MYOM1: variants seen among roughly 807,000 people sequenced by gnomAD.
The protein encoded by MYOM1 is myomesin 1, also known as myomesin-1.
In MYOM1, 164 loss-of-function variants were observed where a neutral mutation model predicts 205.3. The ratio of observed to expected loss-of-function variants is 0.80; its 90% CI spans 0.70 to 0.91. MYOM1 has a LOEUF of 0.91. Ranked by LOEUF, MYOM1 falls within the 40% of genes least tolerant of loss-of-function variation. The pLI, the probability that MYOM1 is intolerant of heterozygous loss-of-function variation, is 0.00. For synonymous variants in MYOM1, 772 were observed against 789.4 expected (o/e 0.98, Z 0.37); for missense variants, 2,011 against 2,127.3 (o/e 0.95, Z 1.08).
At position 3,135,630 on chromosome 18, in the gene MYOM1, CAGT is replaced by C. The variant is rs761028638; in HGVS notation, c.2123_2125del (p.Tyr708del). 1.2e-5 allele frequency: 19 copies of C among 1,613,808 alleles called. No individual in the cohort carries two copies. The African/African-American group carries it at 2.3e-4, about 19-fold the overall frequency. The stretch of plus-strand genomic sequence containing the variant: ...AGAATTAGAACAGCGGACACGGAAA[CAGT>C]AGGATTTCCCCTCGGCCAAGTCAAA... On this transcript the variant is annotated inframe_deletion, in exon 15 of 38. Transcript: ENST00000356443. The surrounding 1 kb of genome is among the most constrained non-coding windows in gnomAD (Gnocchi z 4.1).
chr18:3,113,296 GTCTATATATATATATATATATATA>G (rs1417468868), intron 21 of MYOM1, among the ~76,000 whole-genome samples: 12 of 11,180 alleles, frequency 1.1e-3, no homozygotes, highest in African/African-American at 2.9e-3. Context: ...ATGTGTTTGT[GTCTATATATATATATATATATATA>G]TATATATATA....
Position 3,134,840 on chromosome 18 carries a change from A to G in MYOM1, c.2210-16T>C. 6.2e-7 allele frequency: 1 copy of G among 1,613,838 alleles called. No individual in the cohort carries two copies. Among genetic ancestry groups the G allele is most frequent in the Non-Finnish European group, 8.5e-7 (1 of 1,179,770 alleles). On this transcript the variant is annotated splice_polypyrimidine_tract_variant and intron_variant, in intron 15 of 37. Coordinates refer to ENST00000356443, the MANE Select transcript of MYOM1 (RefSeq NM_003803.4). ...TTGGGGATATCTGAGAAAGAGGAAA[A>G]TGGTGATCAAACTCAAGTGGTTTTA... is the stretch of plus-strand genomic sequence containing the variant.
rs370999797 is a variant in MYOM1 at position 3,214,916 on chromosome 18, G to A, written c.290+18C>T. 2.1e-4 allele frequency: 335 copies of A among 1,561,244 alleles called. No individual in the cohort carries two copies. In the African/African-American group the frequency reaches 4.1e-3, roughly 19 times the overall value. ...CTCTTCCTGAGGTTGGAAGGTTGGA[G>A]GAGGGCGTCCGACATACCCATGGGA... On this transcript the variant is annotated intron_variant, in intron 2 of 37. Coordinates refer to ENST00000356443, the MANE Select transcript of MYOM1 (RefSeq NM_003803.4).
At chr18:3,198,717 A>T (rs1435844107) in intron 2 of MYOM1, among the ~76,000 whole-genome samples, 1 of 150,852 alleles carries the variant, frequency 6.6e-6, no homozygotes, top group Admixed American at 6.6e-5. Context: ...CGGAAGAGGG[A>T]GGTTGCAGTG....
Position 3,084,044 on chromosome 18 carries a change from A to T in MYOM1, c.4340-17T>A. The T allele has an allele frequency of 6.4e-7, 1 of 1,570,686 alleles. No homozygotes were observed. The highest frequency in any genetic ancestry group is 8.7e-7 in the Non-Finnish European group (1 of 1,156,022). On this transcript the variant is annotated splice_polypyrimidine_tract_variant and intron_variant, in intron 31 of 37. Transcript: ENST00000356443. ...CCTTAAAGGCTGTGGAGAGAGATTC[A>T]GAGCCAAAACTTTAGCATAAAAATT...
At chr18:3,192,146 G>A (rs768102110) in intron 3 of MYOM1, among the ~76,000 whole-genome samples, 21 of 152,166 alleles carry the variant, frequency 1.4e-4, no homozygotes, top group Non-Finnish European at 2.5e-4. Context: ...GTCATGTCAC[G>A]TAGGCTGGTG....
In MYOM1 at chr18:3,090,671, A is replaced by G; in HGVS notation, c.3996T>C (p.Val1332=). ...DGKATNHSTV[V]LVGDVFKKLQ... ...CGGAATTCTTACCATCTCCAACGAG[A>G]ACAACAGTAGAATGGTTAGTTGCTT... The change falls in exon 27 of 38, where the codon GTT becomes GTC. Residue 1332 remains valine (V), a synonymous_variant. Coordinates refer to ENST00000356443, the MANE Select transcript of MYOM1 (RefSeq NM_003803.4). 6.2e-7 allele frequency: 1 copy of G among 1,613,980 alleles called. No individual in the cohort carries two copies. Among genetic ancestry groups the G allele is most frequent in the Non-Finnish European group, 8.5e-7 (1 of 1,179,876 alleles).
rs117400260 is a variant in MYOM1 at position 3,193,043 on chromosome 18, A to G, written c.431+775T>C. 8.8e-3 allele frequency among the ~76,000 whole-genome samples: 1,345 copies of G among 152,014 alleles called. 13 individuals carry two copies. The highest frequency in any genetic ancestry group is 0.014 in the East Asian group (71 of 5,154). The stretch of plus-strand genomic sequence containing the variant: ...CAGCACTTTGGGAGGCCAAGCAGGG[A>G]AGATCACTTGAGCCCAGGAGTTCAA... On this transcript the variant is annotated intron_variant, in intron 3 of 37. Coordinates refer to ENST00000356443, the MANE Select transcript of MYOM1 (RefSeq NM_003803.4).
rs927252858 is a variant in MYOM1 at position 3,117,887 on chromosome 18, A to G, written c.3119-1372T>C. Among the ~76,000 whole-genome samples the G allele has an allele frequency of 8.5e-5, 13 of 152,330 alleles. No homozygotes were observed. In the South Asian group the frequency reaches 1.0e-3, roughly 12 times the overall value. On this transcript the variant is annotated intron_variant, in intron 20 of 37. Coordinates refer to ENST00000356443, the MANE Select transcript of MYOM1 (RefSeq NM_003803.4). The stretch of plus-strand genomic sequence containing the variant: ...ATGTTTTGTATAAAGCTATATTTAA[A>G]TATTAATACCAAATACCTCACACGA...
At chr18:3,180,306 C>G (rs934480351) in intron 5 of MYOM1, among the ~76,000 whole-genome samples, 1 of 152,166 alleles carries the variant, frequency 6.6e-6, no homozygotes, top group Admixed American at 6.5e-5. Flanking sequence ...TACACACACA[C>G]CACACATCAC....
chr18:3,214,630 C>T (rs1484203292), intron 2 of MYOM1, among the ~76,000 whole-genome samples: 1 of 152,124 alleles, frequency 6.6e-6, no homozygotes, highest in Non-Finnish European at 1.5e-5. Flanking sequence ...TCAAAACCAG[C>T]CTAGCCAACA....
chr18:3,102,544 A>T lies in MYOM1; in HGVS notation c.3505T>A (p.Phe1169Ile). The T allele has an allele frequency of 2.5e-6, 4 of 1,613,804 alleles. No individual in the cohort carries two copies. The highest frequency in any genetic ancestry group is 3.4e-6 in the Non-Finnish European group (4 of 1,179,842). ...ECDKMTPKSE[F>I]SWSKDYVSTE... is the part of the protein sequence containing the mutation. Reference sequence around the variant, plus strand: ...GATACATAATCTTTGGACCAGGAGAACTCGGACTTTGGAGTCATCTTATCA... The same window carrying T: ...GATACATAATCTTTGGACCAGGAGATCTCGGACTTTGGAGTCATCTTATCA... Residue 1169 changes from phenylalanine to isoleucine, a missense_variant, in exon 23 of 38, where the codon TTC (phenylalanine) becomes ATC (isoleucine). Physicochemically the swap from Phe to Ile is conservative, Grantham distance 21. Transcript: ENST00000356443.
chr18:3,085,014 C>T lies in MYOM1; in HGVS notation c.4339+31G>A, dbSNP rs148174810. 1,491 of 1,535,218 alleles carry T rather than the reference C, an allele frequency of 9.7e-4. 11 individuals carry two copies. The African/African-American group carries it at 0.018, about 19-fold the overall frequency. On this transcript the variant is annotated intron_variant, in intron 31 of 37. Coordinates refer to ENST00000356443, the MANE Select transcript of MYOM1 (RefSeq NM_003803.4). ...CTGGTAAGCTGTATGCAGAAACACA[C>T]AAGACAGACCCCAGCAGTTGGTGGA... is the stretch of plus-strand genomic sequence containing the variant.
At position 3,135,706 on chromosome 18, in the gene MYOM1, G is replaced by A. The variant is rs1184846167; in HGVS notation, c.2050C>T (p.Gln684Ter). The change falls in exon 15 of 38, where the codon CAG (glutamine) becomes TAG (stop). Residue 684 changes from glutamine to a stop codon, truncating the protein, a stop_gained. Transcript: ENST00000356443. LOFTEE classifies it high-confidence loss of function. This position sits in a 1 kb window ranked among gnomAD's most constrained non-coding sequence, Gnocchi z 4.1. ...ACAGGGAGCTCCGTGTTCACTCGCT[G>A]CCAGTTTTCTGTTCCTGCCTCACAC... ...EKCEAGTENW[Q>*]RVNTELPVKS... is the part of the protein sequence containing the mutation. The A allele has an allele frequency of 6.2e-7, 1 of 1,613,874 alleles. No homozygotes were observed. The highest frequency in any genetic ancestry group is 1.7e-5 in the Admixed American group (1 of 60,002).
At chr18:3,107,869 G>A (rs1320435564) in intron 22 of MYOM1, among the ~76,000 whole-genome samples, 1 of 152,100 alleles carries the variant, frequency 6.6e-6, no homozygotes, top group Non-Finnish European at 1.5e-5. Flanking sequence ...TCTGTTCAGG[G>A]GCTGAAACCA....
chr18:3,231,947 T>C, the MYOM1 span, among the ~76,000 whole-genome samples: 6 of 151,654 alleles, frequency 4.0e-5, no homozygotes, highest in Admixed American at 3.3e-4. Context: ...TTTGCTAGTG[T>C]AGATATTAAG....
chr18:3,091,668 C>T (rs963515390), intron 26 of MYOM1, among the ~76,000 whole-genome samples: 5 of 152,038 alleles, frequency 3.3e-5, no homozygotes, highest in Admixed American at 1.3e-4. Context: ...TTTTGTTACC[C>T]CAAGTCACAA....
intron 13 of MYOM1, among the ~76,000 whole-genome samples, chr18:3,145,468 C>G (rs1567932186): frequency 6.6e-6 from 1 of 151,640 alleles, no homozygotes; most frequent in African/African-American, 2.4e-5. Flanking sequence ...AAATTAAAAA[C>G]AAATAAGAGA....
chr18:3,203,046 C>T (rs2081086251), intron 2 of MYOM1, among the ~76,000 whole-genome samples: 1 of 151,290 alleles, frequency 6.6e-6, no homozygotes, highest in African/African-American at 2.4e-5. Flanking sequence ...TTTAAATAAC[C>T]TATTGGTCAA....
Sources: gnomAD v4.1 joint callset for allele counts (sites outside exome capture counted in the v4.1 genomes callset) on GRCh38, gnomAD v4.1.1 for gene constraint, Gnocchi (gnomAD v3.1) non-coding constraint, MANE v1.5 for transcripts, NCBI Gene and HGNC (gene_info 2026-07-23, HGNC 2026-07-21) for gene names.